ILDR1: variants seen among roughly 807,000 people sequenced by gnomAD.
ILDR1 encodes the protein immunoglobulin-like domain-containing receptor 1.
A neutral mutation model predicts 62.4 loss-of-function variants in ILDR1; 56 were observed. The ratio of observed to expected loss-of-function variants is 0.90; its 90% CI spans 0.72 to 1.12. The LOEUF (loss-of-function observed/expected upper bound fraction) is 1.12. Ranked by LOEUF, ILDR1 falls within the 50% of genes most tolerant of loss-of-function variation. The pLI is 0.00. For missense variants in ILDR1, 736 were observed against 710.6 expected, an observed-to-expected ratio of 1.04 and a Z score of -0.41; for synonymous variants, 284 against 277.8, an observed-to-expected ratio of 1.02 and a Z score of -0.22.
upstream of ILDR1, among the ~76,000 whole-genome samples, chr3:122,024,903 G>C (rs1243382934): frequency 6.6e-6 from 1 of 152,136 alleles, no homozygotes; most frequent in Non-Finnish European, 1.5e-5. Flanking sequence ...CTGTCAATGT[G>C]TGCTAATACA....
chr3:122,019,675 C>T (rs1420654699), intron 1 of ILDR1, among the ~76,000 whole-genome samples: 1 of 152,192 alleles, frequency 6.6e-6, no homozygotes, highest in African/African-American at 2.4e-5. Context: ...ACAAGACTCC[C>T]TGGCCTCAGA....
At chr3:122,034,147 T>A in the ILDR1 span, among the ~76,000 whole-genome samples, 4 of 152,230 alleles carry the variant, frequency 2.6e-5, no homozygotes, top group African/African-American at 9.6e-5. Flanking sequence ...TGTTAAATAG[T>A]ATTGTTTAAT....
chr3:122,019,153 G>C (rs754464814), intron 1 of ILDR1, among the ~76,000 whole-genome samples: 10 of 152,116 alleles, frequency 6.6e-5, no homozygotes, highest in Non-Finnish European at 1.2e-4. Flanking sequence ...AATAAACTTT[G>C]ACATTGGATG....
In ILDR1 at chr3:121,993,272, G is replaced by T; in HGVS notation, c.1477C>A (p.Arg493=). ...EDKERQPQSW[R]AHRRGSHSPH... Reference sequence around the variant, plus strand: ...GAGTGCGAGCCGCGGCGGTGGGCCCGCCAGCTCTGGGGCTGCCTCTCCTTG... The same window carrying T: ...GAGTGCGAGCCGCGGCGGTGGGCCCTCCAGCTCTGGGGCTGCCTCTCCTTG... The change falls in exon 7 of 8, where the codon CGG becomes AGG. Residue 493 remains arginine, a synonymous_variant. Coordinates refer to ENST00000344209, the MANE Select transcript of ILDR1 (RefSeq NM_001199799.2). 1.9e-6 allele frequency: 3 copies of T among 1,613,424 alleles called. No homozygotes were observed. Among genetic ancestry groups the T allele is most frequent in the Middle Eastern group, 1.7e-4 (1 of 6,060 alleles).
chr3:122,009,141 G>A (rs1410085761), intron 1 of ILDR1, among the ~76,000 whole-genome samples: 1 of 151,264 alleles, frequency 6.6e-6, no homozygotes, highest in East Asian at 1.9e-4. Flanking sequence ...ATGTTGCCCA[G>A]GCTGGTCTTG....
At chr3:122,018,714 G>C (rs961784897) in intron 1 of ILDR1, among the ~76,000 whole-genome samples, 5 of 152,144 alleles carry the variant, frequency 3.3e-5, no homozygotes, top group African/African-American at 1.2e-4. Context: ...GCTGGGAGGG[G>C]AAGATAAAGG....
the ILDR1 span, among the ~76,000 whole-genome samples, chr3:122,061,606 G>C: frequency 1.3e-5 from 2 of 152,110 alleles, no homozygotes; most frequent in African/African-American, 4.8e-5. Flanking sequence ...CCATATAAGA[G>C]AGTCAACATC....
At chr3:122,044,989 A>G in the ILDR1 span, among the ~76,000 whole-genome samples, 2 of 149,514 alleles carry the variant, frequency 1.3e-5, no homozygotes, top group Middle Eastern at 3.3e-3. Flanking sequence ...TTGCTTTTCT[A>G]GTTCTTTTAA....
the ILDR1 span, among the ~76,000 whole-genome samples, chr3:122,037,921 C>CCT: frequency 5.8e-4 from 87 of 149,444 alleles, no homozygotes; most frequent in African/African-American, 1.0e-3. Flanking sequence ...TGTGGTACTT[C>CCT]CTCTCTCTCT....
At chr3:122,035,122 C>G in the ILDR1 span, among the ~76,000 whole-genome samples, 1 of 152,194 alleles carries the variant, frequency 6.6e-6, no homozygotes, top group African/African-American at 2.4e-5. Flanking sequence ...ACTGCCAAAA[C>G]TCTGCCCAGA....
the ILDR1 span, among the ~76,000 whole-genome samples, chr3:122,036,711 T>A: frequency 6.6e-6 from 1 of 152,084 alleles, no homozygotes; most frequent in Non-Finnish European, 1.5e-5. Context: ...GGAATTTGCA[T>A]AAGTAAAGAG....
At chr3:122,005,116 T>C in intron 3 of ILDR1, 128 bp downstream of exon 3, 2 of 708,412 alleles carry the variant, frequency 2.8e-6, no homozygotes, top group South Asian at 1.8e-5. Flanking sequence ...CCTCAAACAA[T>C]GACAGTGACC....
chr3:122,001,982 A>T (rs1256336013), intron 3 of ILDR1, 118 bp from the exon 4 acceptor site: 1 of 1,183,826 alleles, frequency 8.4e-7, no homozygotes, highest in African/African-American at 1.9e-5. Flanking sequence ...AAAAATAATA[A>T]AAAAAAAATT....
the ILDR1 span, among the ~76,000 whole-genome samples, chr3:122,060,631 T>A: frequency 5.3e-4 from 80 of 151,940 alleles, no homozygotes; most frequent in Non-Finnish European, 7.5e-4. Context: ...CCTAAAAAAA[T>A]TTTAATTTAA....
intron 3 of ILDR1, among the ~76,000 whole-genome samples, chr3:122,002,863 G>A (rs1290224435): frequency 6.6e-6 from 1 of 152,014 alleles, no homozygotes; most frequent in Non-Finnish European, 1.5e-5. Context: ...AGATCATCAG[G>A]GTGGACAGAC....
chr3:122,054,673 A>C, the ILDR1 span, among the ~76,000 whole-genome samples: 3 of 152,204 alleles, frequency 2.0e-5, no homozygotes, highest in African/African-American at 7.2e-5. Context: ...GCTTTGATAC[A>C]CTAAACAGTT....
At chr3:122,029,511 A>AAAATATATATATAT in the ILDR1 span, among the ~76,000 whole-genome samples, 1 of 139,496 alleles carries the variant, frequency 7.2e-6, no homozygotes, top group African/African-American at 2.8e-5. Context: ...GTCTAAAAAA[A>AAAATATATATATAT]ATATATATAT....
Position 121,987,908 on chromosome 3 carries a change from C to A in ILDR1, c.*459G>T. The A allele has an allele frequency of 4.2e-6, 1 of 240,780 alleles. No individual in the cohort carries two copies. Among genetic ancestry groups the A allele is most frequent in the Non-Finnish European group, 8.2e-6 (1 of 121,534 alleles). 14.9% of individuals were successfully genotyped at this position (240,780 alleles called of 1,614,324 possible). On this transcript the variant is annotated 3_prime_UTR_variant, in exon 8 of 8. Transcript: ENST00000344209. ...AACTCTAACTTTTTTGTTTTTTGGC[C>A]TTTTGGGTTTTTTAGTAATGGGGAC...
chr3:122,022,317 G>C (rs57963544), upstream of ILDR1: 5,675 of 423,342 alleles, frequency 0.013, 286 homozygotes, highest in African/African-American at 0.11. Context: ...TTCCTGCTCC[G>C]CCCCCGCCTC....
Sources: allele counts gnomAD v4.1 joint callset (sites outside exome capture counted in the v4.1 genomes callset), GRCh38; gene constraint gnomAD v4.1.1; transcripts MANE v1.5; gene names NCBI Gene and HGNC (gene_info 2026-07-23, HGNC 2026-07-21).